PIP5K1A: variants seen among roughly 807,000 people sequenced by gnomAD.
The protein encoded by PIP5K1A is phosphatidylinositol-4-phosphate 5-kinase type 1 alpha, also known as phosphatidylinositol 4-phosphate 5-kinase type-1 alpha.
PIP5K1A carries 46 observed loss-of-function variants against 72.9 expected under a neutral mutation model. That is an observed-to-expected ratio of 0.63 (90% CI 0.50 to 0.81). The LOEUF (loss-of-function observed/expected upper bound fraction) is 0.81, where lower values mean the gene tolerates loss of function less well. PIP5K1A is among the 30% of genes least tolerant of loss of function. The probability of loss-of-function intolerance (pLI) is 0.00; values close to 1 mark genes in which losing one functional copy is unlikely to be tolerated. For synonymous variants in PIP5K1A, 228 were observed against 255.1 expected, an observed-to-expected ratio of 0.89 and a Z score of 1.01; for missense variants, 458 against 706.1, an observed-to-expected ratio of 0.65 and a Z score of 3.98.
intron 3 of PIP5K1A, among the ~76,000 whole-genome samples, chr1:151,225,815 C>T (rs1485931764): frequency 2.0e-5 from 3 of 150,470 alleles, no homozygotes; most frequent in Non-Finnish European, 4.4e-5. Flanking sequence ...CACGCTCTGT[C>T]GCCCAGGCTG....
chr1:151,208,993 A>G (rs1271757856), intron 1 of PIP5K1A, among the ~76,000 whole-genome samples: 1 of 149,924 alleles, frequency 6.7e-6, no homozygotes, highest in Non-Finnish European at 1.5e-5. Context: ...CGGCCTCCCA[A>G]GGTGCTGGGA....
intron 4 of PIP5K1A, 24 bp from the exon 5 acceptor site, chr1:151,231,647 C>A (rs762987384): frequency 1.2e-6 from 2 of 1,611,026 alleles, no homozygotes; most frequent in Non-Finnish European, 1.7e-6. Flanking sequence ...TAGGAATTTT[C>A]TTCTCATTTC....
intron 4 of PIP5K1A, among the ~76,000 whole-genome samples, chr1:151,228,997 A>G (rs1382711256): frequency 3.3e-5 from 5 of 151,368 alleles, no homozygotes; most frequent in Non-Finnish European, 5.9e-5. Flanking sequence ...GCAAAGCCCC[A>G]TCTCTACTAA....
intron 15 of PIP5K1A, among the ~76,000 whole-genome samples, chr1:151,247,286 G>A (rs1176478814): frequency 4.0e-5 from 6 of 151,786 alleles, no homozygotes; most frequent in Non-Finnish European, 8.8e-5. Context: ...GTGCCACCAC[G>A]CCCGGCTAAT....
At chr1:151,195,640 A>T (rs1684537638), upstream of PIP5K1A, among the ~76,000 whole-genome samples, 1 of 151,738 alleles carries the variant, frequency 6.6e-6, no homozygotes, top group South Asian at 2.1e-4. Context: ...AGTCCCAGCT[A>T]CTCGGGAGGC....
chr1:151,205,766 C>G (rs1195810202), intron 1 of PIP5K1A, among the ~76,000 whole-genome samples: 1 of 152,006 alleles, frequency 6.6e-6, no homozygotes, highest in Non-Finnish European at 1.5e-5. Context: ...CTACTGCACT[C>G]CAGCCAGGGC....
intron 1 of PIP5K1A, among the ~76,000 whole-genome samples, chr1:151,208,512 C>A (rs1558239938): frequency 6.6e-6 from 1 of 150,910 alleles, no homozygotes; most frequent in Admixed American, 6.6e-5. Context: ...AGGCGCACAC[C>A]ACCACGCCCA....
In PIP5K1A at chr1:151,232,594, G is replaced by A; in HGVS notation, c.530G>A (p.Gly177Glu). 1 of 1,610,124 alleles carries A rather than the reference G, an allele frequency of 6.2e-7. No homozygotes were observed. Among genetic ancestry groups the A allele is most frequent in the South Asian group, 1.1e-5 (1 of 90,608 alleles). Residue 177 changes from glycine (G) to glutamate (E), a missense_variant, in exon 7 of 16, where the codon GGA becomes GAA. Physicochemically the swap from Gly to Glu is moderately conservative, Grantham distance 98. This residue lies in a region of PIP5K1A where 220 missense variants were observed against 442.6 expected (regional missense o/e 0.50). Transcript: ENST00000368888. ...CCGCTGATTGAACTCTGTAGCTCTG[G>A]AGCTAGTGGTTCCCTATTCTATGTG... ...SEPLIELCSS[G>E]ASGSLFYVSS...
chr1:151,197,059 A>T (rs1268553846), upstream of PIP5K1A, among the ~76,000 whole-genome samples: 3 of 143,408 alleles, frequency 2.1e-5, no homozygotes, highest in Non-Finnish European at 4.6e-5. Flanking sequence ...ACGCGGTTTC[A>T]CTATGTTGGC....
At chr1:151,199,164 C>T in intron 1 of PIP5K1A, 83 bp downstream of exon 1, 1 of 1,605,000 alleles carries the variant, frequency 6.2e-7, no homozygotes. Flanking sequence ...GTACCTGTAG[C>T]TGGGAATGTC....
chr1:151,228,211 C>T (rs1175229860), intron 4 of PIP5K1A, among the ~76,000 whole-genome samples: 6 of 151,980 alleles, frequency 3.9e-5, no homozygotes, highest in African/African-American at 9.7e-5. Context: ...GATCATTGGC[C>T]GGTAGCAGGA....
chr1:151,240,308 AAAT>A, intron 12 of PIP5K1A: 1 of 422,550 alleles, frequency 2.4e-6, no homozygotes, highest in South Asian at 2.6e-5. Context: ...ATAAATAAAT[AAAT>A]AATGTGTAGT....
intron 1 of PIP5K1A, among the ~76,000 whole-genome samples, chr1:151,223,699 A>G (rs899850710): frequency 5.3e-5 from 8 of 151,766 alleles, no homozygotes; most frequent in Non-Finnish European, 1.0e-4. Context: ...AAAAATTAAA[A>G]AAAAAGGGAC....
chr1:151,248,572 CCT>C lies in PIP5K1A; in HGVS notation c.*712_*713del, dbSNP rs1475342134. 2 of 152,534 alleles carry C rather than the reference CCT, an allele frequency of 1.3e-5. No homozygotes were observed. The highest frequency in any genetic ancestry group is 4.8e-5 in the African/African-American group (2 of 41,414). The allele number at this position is 152,534 out of a possible 1,614,324, so 9.4% of individuals were successfully genotyped here. A position where few individuals can be genotyped will look rare whatever the true frequency, so the allele number is the denominator to read the frequency against. On this transcript the variant is annotated 3_prime_UTR_variant, in exon 16 of 16. Coordinates refer to ENST00000368888, the MANE Select transcript of PIP5K1A (RefSeq NM_001135638.2). ...AGAAGCAGCTCCTCTTTAAACTCCT[CCT>C]CTCTTGATGAATTTCTTAAGGCTGA...
Position 151,246,951 on chromosome 1 carries a change from T to C in PIP5K1A, c.1672T>C (p.Ser558Pro). 1 of 1,613,560 alleles carries C rather than the reference T, an allele frequency of 6.2e-7. No homozygotes were observed. Among genetic ancestry groups the C allele is most frequent in the Non-Finnish European group, 8.5e-7 (1 of 1,179,560 alleles). ...TTLEKLEVAE[S>P]EFTH ...CTTGGAAAAGCTTGAAGTTGCAGAG[T>C]CAGAGTTCACCCATGTGAGTATCTG... The change falls in exon 15 of 16, where the codon TCA (serine) becomes CCA (proline). Residue 558 changes from serine (S) to proline (P), a missense_variant. Physicochemically the swap from Ser to Pro is moderately conservative, Grantham distance 74. Around this residue, in one of 3 missense-constraint regions of PIP5K1A, gnomAD observed 157 missense variants for 175.5 expected, o/e 0.89. Coordinates refer to ENST00000368888, the MANE Select transcript of PIP5K1A (RefSeq NM_001135638.2).
chr1:151,239,364 G>A (rs780902873), intron 11 of PIP5K1A, among the ~76,000 whole-genome samples, 186 bp downstream of exon 11: 10 of 146,410 alleles, frequency 6.8e-5, no homozygotes, highest in East Asian at 2.0e-4. Context: ...CCTCCGTCTC[G>A]CAGTTTCAAG....
chr1:151,195,675 C>T (rs1684538273), upstream of PIP5K1A, among the ~76,000 whole-genome samples: 1 of 151,518 alleles, frequency 6.6e-6, no homozygotes, highest in Non-Finnish European at 1.5e-5. Flanking sequence ...CGCTTGAACC[C>T]GGGAGGTGGA....
upstream of PIP5K1A, chr1:151,197,953 C>T (rs1684705324): frequency 4.6e-6 from 2 of 432,586 alleles, no homozygotes; most frequent in African/African-American, 2.1e-5. Context: ...GGTTGGGTCG[C>T]GGGAAGGTTG....
intron 3 of PIP5K1A, among the ~76,000 whole-genome samples, chr1:151,225,348 C>T (rs1688954280): frequency 6.6e-6 from 1 of 152,130 alleles, no homozygotes; most frequent in African/African-American, 2.4e-5. Flanking sequence ...AGTCTCTCAG[C>T]CTTCTGGCTT....
Sources: gnomAD v4.1 joint callset for allele counts (sites outside exome capture counted in the v4.1 genomes callset) on GRCh38, gnomAD v4.1.1 for gene constraint, gnomAD v4.1.1 regional missense constraint, MANE v1.5 for transcripts, NCBI Gene and HGNC (gene_info 2026-07-23, HGNC 2026-07-21) for gene names.